The following B3GALT9 variants were observed in gnomAD, a reference collection of about 807,000 sequenced individuals.
B3GALT9 encodes the protein beta-1,3-galactosyltransferase 9, also known as UDP-GlcNAc:betaGal beta-1,3-N-acetylglucosaminyltransferase 10 (putative).
At position 120,799,364 on chromosome 9, in the gene B3GALT9, A is replaced by G. The variant is rs371730504; in HGVS notation, c.796A>G (p.Met266Val). 8 of 399,312 alleles carry G rather than the reference A, an allele frequency of 2.0e-5. No homozygotes were observed. In the South Asian group the frequency reaches 5.1e-4, roughly 25 times the overall value. 24.7% of individuals were successfully genotyped at this position (399,312 alleles called of 1,614,324 possible). A position where few individuals can be genotyped will look rare whatever the true frequency, so the allele number is the denominator to read the frequency against. The part of the protein sequence containing the change: ...MMYVVFKEVP[M>V]MVPADVFVGI... Reference sequence around the variant, plus strand: ...GTATGTGGTTTTCAAAGAAGTACCCATGATGGTGCCAGCTGATGTGTTTGT... The same window carrying G: ...GTATGTGGTTTTCAAAGAAGTACCCGTGATGGTGCCAGCTGATGTGTTTGT... The change falls in exon 3 of 3, where the codon ATG becomes GTG. Residue 266 changes from methionine to valine, a missense_variant. Met to Val is a conservative substitution (Grantham distance 21, BLOSUM62 1). Transcript: ENST00000689072.
rs1272380079 is a variant in B3GALT9, at chr9:120,793,684, C to A, written c.-420C>A. ...CCAATCTGATCTTGCACCAGCTCTG[C>A]AGTAGTTTTTCTTATTATCCTCATT... On this transcript the variant is annotated 5_prime_UTR_variant, in exon 1 of 3. Transcript: ENST00000689072. The A allele has an allele frequency of 2.8e-5, 11 of 398,638 alleles. No individual in the cohort carries two copies. The highest frequency in any genetic ancestry group is 4.9e-5 in the Non-Finnish European group (11 of 226,156). The allele number at this position is 398,638 out of a possible 1,614,324, so 24.7% of individuals were successfully genotyped here. A position where few individuals can be genotyped will look rare whatever the true frequency, so the allele number is the denominator to read the frequency against.
intron 2 of B3GALT9, among the ~76,000 whole-genome samples, chr9:120,798,359 C>G (rs1588059532): frequency 6.6e-6 from 1 of 152,302 alleles, no homozygotes; most frequent in East Asian, 1.9e-4. Context: ...CACTTTGTGC[C>G]AAATACTGGA....
chr9:120,798,597 CT>C lies in B3GALT9; in HGVS notation c.30del (p.His11ThrfsTer34). 1 of 399,692 alleles carries C rather than the reference CT, an allele frequency of 2.5e-6. No individual in the cohort carries two copies. The allele number at this position is 399,692 out of a possible 1,614,324, so 24.8% of individuals were successfully genotyped here. ...TAGGTGACTTTCTGCAGACTTCGGA[CT>C]CACCAGTGGTGTTTCATTCTATTTA... Reference protein sequence around the residue: MQVTFCRLRTHQWCFILFNV... With the variant: MQVTFCRLRXHQWCFILFNV... On this transcript the variant is annotated frameshift_variant, in exon 3 of 3. Transcript: ENST00000689072. LOFTEE classifies it high-confidence loss of function.
At chr9:120,797,745 G>C (rs1264200038) in intron 2 of B3GALT9, among the ~76,000 whole-genome samples, 1 of 152,190 alleles carries the variant, frequency 6.6e-6, no homozygotes. Flanking sequence ...ATAATAGGAG[G>C]TAACAGTTAT....
At position 120,801,206 on chromosome 9, in the gene B3GALT9, T is replaced by C. The variant is rs1397722321; in HGVS notation, c.*1528T>C. 6.6e-6 allele frequency among the ~76,000 whole-genome samples: 1 copy of C among 152,256 alleles called. No homozygotes were observed. Among genetic ancestry groups the C allele is most frequent in the Non-Finnish European group, 1.5e-5 (1 of 68,048 alleles). ...ATATCTCTTTAACATACTGATTTAA[T>C]ATCTTTTGGATATATTTCCAGTAGC... On this transcript the variant is annotated 3_prime_UTR_variant, in exon 3 of 3. Coordinates refer to ENST00000689072, the MANE Select transcript of B3GALT9 (RefSeq NM_001386823.1).
In B3GALT9 at chr9:120,793,938, A is replaced by G. The variant is rs966471021; in HGVS notation, c.-182+16A>G. ...ATAAAGCAAGGTAAGGAGGTTGTTG[A>G]ATGAAAAGAGACAGTCAAGTGATGT... On this transcript the variant is annotated intron_variant, in intron 1 of 2. Coordinates refer to ENST00000689072, the MANE Select transcript of B3GALT9 (RefSeq NM_001386823.1). The G allele has an allele frequency of 3.2e-6, 1 of 309,820 alleles. No individual in the cohort carries two copies. Among genetic ancestry groups the G allele is most frequent in the Middle Eastern group, 8.5e-4 (1 of 1,170 alleles). The allele number at this position is 309,820 out of a possible 1,614,324, so 19.2% of individuals were successfully genotyped here.
Position 120,798,621 on chromosome 9 carries a change from T to C in B3GALT9, c.53T>C (p.Phe18Ser). Residue 18 changes from phenylalanine to serine, a missense_variant, in exon 3 of 3, where the codon TTT becomes TCT. Transcript: ENST00000689072. ...LRTHQWCFIL[F>S]NVILFHALLF... ...ACTCACCAGTGGTGTTTCATTCTAT[T>C]TAATGTCATCCTATTTCATGCCTTG... 2.5e-6 allele frequency: 1 copy of C among 399,676 alleles called. No individual in the cohort carries two copies. Among genetic ancestry groups the C allele is most frequent in the African/African-American group, 2.1e-5 (1 of 48,758 alleles). The allele number at this position is 399,676 out of a possible 1,614,324, so 24.8% of individuals were successfully genotyped here. A position where few individuals can be genotyped will look rare whatever the true frequency, so the allele number is the denominator to read the frequency against.
rs2044911022 is a variant in B3GALT9, at chr9:120,793,894, G to A, written c.-210G>A. 2.7e-6 allele frequency: 1 copy of A among 371,786 alleles called. No individual in the cohort carries two copies. Among genetic ancestry groups the A allele is most frequent in the Non-Finnish European group, 4.8e-6 (1 of 210,000 alleles). The allele number at this position is 371,786 out of a possible 1,614,324, so 23.0% of individuals were successfully genotyped here. ...GGAGGAGGAAGACAGATAAACTAAGGCTCGTGCAAAGGAGAAAAATAAAGC... is the reference window on the plus strand; with the variant it reads ...GGAGGAGGAAGACAGATAAACTAAGACTCGTGCAAAGGAGAAAAATAAAGC... On this transcript the variant is annotated 5_prime_UTR_variant, in exon 1 of 3. Transcript: ENST00000689072.
chr9:120,800,847 G>C lies in B3GALT9; in HGVS notation c.*1169G>C, dbSNP rs561169561. Among the ~76,000 whole-genome samples, 1 of 152,242 alleles carries C rather than the reference G, an allele frequency of 6.6e-6. No individual in the cohort carries two copies. The highest frequency in any genetic ancestry group is 2.1e-4 in the South Asian group (1 of 4,824). On this transcript the variant is annotated 3_prime_UTR_variant, in exon 3 of 3. Transcript: ENST00000689072. ...TTCCTCATGTCTAACAAAAATGTTG[G>C]ATCTCTTGGCCATATCTGCCAAGTT...
chr9:120,795,860 C>T (rs1333647151), intron 1 of B3GALT9, among the ~76,000 whole-genome samples: 1 of 152,164 alleles, frequency 6.6e-6, no homozygotes, highest in East Asian at 1.9e-4. Context: ...CATGCATACT[C>T]CAGGAAAGGA....
At position 120,793,642 on chromosome 9, in the gene B3GALT9, G is replaced by C. The variant is rs545728381; in HGVS notation, c.-462G>C. 31 of 398,684 alleles carry C rather than the reference G, an allele frequency of 7.8e-5. No homozygotes were observed. Among genetic ancestry groups the C allele is most frequent in the Non-Finnish European group, 8.4e-5 (19 of 226,158 alleles). The allele number at this position is 398,684 out of a possible 1,614,324, so 24.7% of individuals were successfully genotyped here. A position where few individuals can be genotyped will look rare whatever the true frequency, so the allele number is the denominator to read the frequency against. On this transcript the variant is annotated 5_prime_UTR_variant, in exon 1 of 3. Coordinates refer to ENST00000689072, the MANE Select transcript of B3GALT9 (RefSeq NM_001386823.1). ...TACCGTACATCCAGGTTTGCACAGC[G>C]CGCTTATGTCCCTCCTCCAATCTGA...
rs529458614 is a variant in B3GALT9, at chr9:120,798,911, G to T, written c.343G>T (p.Gly115Trp). ...TTGGGGCAATGTGACCAGTGTCCAAGGGCATCCCATTCTCACACTGTTTGC... is the reference window on the plus strand; with the variant it reads ...TTGGGGCAATGTGACCAGTGTCCAATGGCATCCCATTCTCACACTGTTTGC... The part of the protein sequence containing the change: ...KTWGNVTSVQ[G>W]HPILTLFALG... The change falls in exon 3 of 3, where the codon GGG (glycine) becomes TGG (tryptophan). Residue 115 changes from glycine (G) to tryptophan (W), a missense_variant. By Grantham distance (184) the Gly-to-Trp change is radical. Transcript: ENST00000689072. 1 of 398,998 alleles carries T rather than the reference G, an allele frequency of 2.5e-6. No homozygotes were observed. The highest frequency in any genetic ancestry group is 1.3e-4 in the South Asian group (1 of 7,850). 24.7% of individuals were successfully genotyped at this position (398,998 alleles called of 1,614,324 possible). A position where few individuals can be genotyped will look rare whatever the true frequency, so the allele number is the denominator to read the frequency against.
In B3GALT9 at chr9:120,793,556, C is replaced by T. The variant is rs2044905578; in HGVS notation, c.-548C>T. 1.0e-5 allele frequency: 4 copies of T among 399,324 alleles called. No individual in the cohort carries two copies. The highest frequency in any genetic ancestry group is 1.8e-5 in the Non-Finnish European group (4 of 226,748). 24.7% of individuals were successfully genotyped at this position (399,324 alleles called of 1,614,324 possible). On this transcript the variant is annotated 5_prime_UTR_variant, in exon 1 of 3. Transcript: ENST00000689072. ...GAAGAGCGTCCCGGGAAGCTGAACG[C>T]GTGCCGCGCGGCCCTCACGGTGCTT...
Position 120,793,750 on chromosome 9 carries a change from A to G in B3GALT9, c.-354A>G. The G allele has an allele frequency of 2.5e-6, 1 of 398,394 alleles. No homozygotes were observed. The highest frequency in any genetic ancestry group is 4.4e-6 in the Non-Finnish European group (1 of 225,972). The allele number at this position is 398,394 out of a possible 1,614,324, so 24.7% of individuals were successfully genotyped here. Reference sequence around the variant, plus strand: ...AGCTGTGGCTTAGAGAAGTTAAGAGACGTGTCCAAATTCATACAACCTGTT... The same window carrying G: ...AGCTGTGGCTTAGAGAAGTTAAGAGGCGTGTCCAAATTCATACAACCTGTT... On this transcript the variant is annotated 5_prime_UTR_variant, in exon 1 of 3. Transcript: ENST00000689072.
rs1418004907 is a variant in B3GALT9 at position 120,799,599 on chromosome 9, A to G, written c.1031A>G (p.Lys344Arg). ...ACATCCTATGAGCTCATTTCCTGCA[A>G]ACTTCTGACGTACCTTGACAGCTTT... ...FETSYELISC[K>R]LLTYLDSFKR... The change falls in exon 3 of 3, where the codon AAA becomes AGA. Residue 344 changes from lysine to arginine, a missense_variant. Physicochemically the swap from Lys to Arg is conservative, Grantham distance 26 (BLOSUM62 2). Transcript: ENST00000689072. 5 of 399,524 alleles carry G rather than the reference A, an allele frequency of 1.3e-5. No individual in the cohort carries two copies. Among genetic ancestry groups the G allele is most frequent in the East Asian group, 3.6e-5 (1 of 28,086 alleles). 24.7% of individuals were successfully genotyped at this position (399,524 alleles called of 1,614,324 possible). A position where few individuals can be genotyped will look rare whatever the true frequency, so the allele number is the denominator to read the frequency against.
At chr9:120,794,540 GTGTGTGTA>G (rs1337223719) in intron 1 of B3GALT9, among the ~76,000 whole-genome samples, 1 of 137,582 alleles carries the variant, frequency 7.3e-6, no homozygotes, top group Non-Finnish European at 1.6e-5. Flanking sequence ...GTGTGTGTGT[GTGTGTGTA>G]TTTTTGTAGA....
chr9:120,799,562 A>C lies in B3GALT9; in HGVS notation c.994A>C (p.Thr332Pro), dbSNP rs1588059793. The change falls in exon 3 of 3, where the codon ACA becomes CCA. Residue 332 changes from threonine to proline, a missense_variant. Thr to Pro is a conservative substitution (Grantham distance 38, BLOSUM62 -1). Coordinates refer to ENST00000689072, the MANE Select transcript of B3GALT9 (RefSeq NM_001386823.1). ...GGAAATTAATGATGGAAAAGAATGT[A>C]CACTGTTTGAGACATCCTATGAGCT... ...WKEINDGKEC[T>P]LFETSYELIS... 1.5e-5 allele frequency: 6 copies of C among 399,734 alleles called. No individual in the cohort carries two copies. The highest frequency in any genetic ancestry group is 1.4e-4 in the East Asian group (4 of 28,078). The allele number at this position is 399,734 out of a possible 1,614,324, so 24.8% of individuals were successfully genotyped here.
chr9:120,797,174 TAAGTA>T (rs1368013267), intron 2 of B3GALT9, among the ~76,000 whole-genome samples: 1 of 150,962 alleles, frequency 6.6e-6, no homozygotes. Context: ...AAGAAAGAGA[TAAGTA>T]AAGATAGGAA....
At position 120,800,410 on chromosome 9, in the gene B3GALT9, C is replaced by T. The variant is rs539630016; in HGVS notation, c.*732C>T. On this transcript the variant is annotated 3_prime_UTR_variant, in exon 3 of 3. Transcript: ENST00000689072. ...CTGGGATTACAGGTGTGAGCCACCA[C>T]GCCTGGCCTAATTTTTGTATTTTTT... is the stretch of plus-strand genomic sequence containing the variant. Among the ~76,000 whole-genome samples, 102 of 151,694 alleles carry T rather than the reference C, an allele frequency of 6.7e-4. No homozygotes were observed. The highest frequency in any genetic ancestry group is 2.2e-3 in the African/African-American group (91 of 41,368).
Sources: gnomAD v4.1 joint callset for allele counts (sites outside exome capture counted in the v4.1 genomes callset) on GRCh38, gnomAD v4.1.1 for gene constraint, MANE v1.5 for transcripts, NCBI Gene and HGNC (gene_info 2026-07-23, HGNC 2026-07-21) for gene names.